The following DRD4 variants were observed in gnomAD, a reference collection of about 807,000 sequenced individuals.
DRD4 encodes the protein D(4) dopamine receptor.
In DRD4, 26 loss-of-function variants were observed where a neutral mutation model predicts 22.1. The observed-to-expected ratio is 1.17, with a 90% confidence interval of 0.86 to 1.63. The LOEUF is 1.63. Ranked by LOEUF, DRD4 falls within the 40% of genes most tolerant of loss-of-function variation. The pLI is 0.00. For missense variants in DRD4, 913 were observed against 632.4 expected (o/e 1.44, Z -4.76); for synonymous variants, 455 against 306.7 (o/e 1.48, Z -5.05).
Position 637,533 on chromosome 11 carries a change from G to C in DRD4, c.229G>C (p.Ala77Pro). ...CACCAACTCCTTCATCGTGAGCCTG[G>C]CGGCCGCCGACCTCCTCCTCGCTCT... ...TPTNSFIVSL[A>P]AADLLLALLV... is the part of the protein sequence containing the mutation. Residue 77 changes from alanine (A) to proline (P), a missense_variant, in exon 1 of 4, where the codon GCG (alanine) becomes CCG (proline). Ala to Pro is a conservative substitution (Grantham distance 27, BLOSUM62 -1). Transcript: ENST00000176183. 1 of 1,564,126 alleles carries C rather than the reference G, an allele frequency of 6.4e-7. No homozygotes were observed. The highest frequency in any genetic ancestry group is 1.2e-5 in the South Asian group (1 of 85,532).
chr11:639,187 C>G, intron 1 of DRD4: 1 of 520,946 alleles, frequency 1.9e-6, no homozygotes, highest in Non-Finnish European at 3.5e-6. Flanking sequence ...CTCAGGAATT[C>G]CAGGCTACAG....
Position 639,369 on chromosome 11 carries a change from G to A in DRD4, c.286-64G>A, listed in dbSNP as rs1267319339. The A allele has an allele frequency of 5.1e-6, 7 of 1,372,202 alleles. No homozygotes were observed. In the African/African-American group the frequency reaches 6.8e-5, roughly 13 times the overall value. 85.0% of individuals were successfully genotyped at this position (1,372,202 alleles called of 1,614,324 possible). On this transcript the variant is annotated intron_variant, in intron 1 of 3. Transcript: ENST00000176183. ...CAGCCCTGGAACTACCCATAAGAGT[G>A]GGGGCGGGTCACAAGGGCCCGCGGT...
At chr11:638,003 A>T (rs869215117) in intron 1 of DRD4, among the ~76,000 whole-genome samples, 1 of 133,836 alleles carries the variant, frequency 7.5e-6, no homozygotes, top group Non-Finnish European at 1.6e-5. Flanking sequence ...ACACACACAC[A>T]CTGCCACAGC....
At chr11:638,199 C>T (rs1858111456) in intron 1 of DRD4, among the ~76,000 whole-genome samples, 2 of 152,196 alleles carry the variant, frequency 1.3e-5, no homozygotes, top group Admixed American at 6.5e-5. Flanking sequence ...ACACTCCACA[C>T]CAGGTCTGGC....
chr11:637,546 T>C lies in DRD4; in HGVS notation c.242T>C (p.Leu81Pro), dbSNP rs759566156. Reference sequence around the variant, plus strand: ...ATCGTGAGCCTGGCGGCCGCCGACCTCCTCCTCGCTCTCCTGGTGCTGCCG... The same window carrying C: ...ATCGTGAGCCTGGCGGCCGCCGACCCCCTCCTCGCTCTCCTGGTGCTGCCG... ...SFIVSLAAAD[L>P]LLALLVLPLF... Residue 81 changes from leucine to proline, a missense_variant, in exon 1 of 4, where the codon CTC becomes CCC. Coordinates refer to ENST00000176183, the MANE Select transcript of DRD4 (RefSeq NM_000797.4). 27 of 1,523,106 alleles carry C rather than the reference T, an allele frequency of 1.8e-5. No individual in the cohort carries two copies. The highest frequency in any genetic ancestry group is 9.4e-5 in the South Asian group (8 of 85,296). 94.3% of individuals were successfully genotyped at this position (1,523,106 alleles called of 1,614,324 possible).
Position 639,591 on chromosome 11 carries a change from CCG to C in DRD4, c.398+48_398+49del, listed in dbSNP as rs1564913189. The stretch of plus-strand genomic sequence containing the variant: ...GCGCCCCGGCGCCCCCGCGCCCCGC[CCG>C]CCGCCCTCACCGCGGCCTGTGCGCT... On this transcript the variant is annotated intron_variant, in intron 2 of 3. Transcript: ENST00000176183. 1.2e-5 allele frequency: 16 copies of C among 1,300,190 alleles called. No homozygotes were observed. In the African/African-American group the frequency reaches 1.4e-4, roughly 12 times the overall value. 80.5% of individuals were successfully genotyped at this position (1,300,190 alleles called of 1,614,324 possible).
At chr11:638,369 G>A (rs1163943769) in intron 1 of DRD4, among the ~76,000 whole-genome samples, 2 of 152,170 alleles carry the variant, frequency 1.3e-5, no homozygotes, top group Non-Finnish European at 2.9e-5. Flanking sequence ...GAGACCAGCA[G>A]CACGGGACAC....
rs374919322 is a variant in DRD4, at chr11:639,299, G to A, written c.286-134G>A. 905 of 804,952 alleles carry A rather than the reference G, an allele frequency of 1.1e-3. 7 individuals carry two copies. In the South Asian group the frequency reaches 0.013, roughly 11 times the overall value. 49.9% of individuals were successfully genotyped at this position (804,952 alleles called of 1,614,324 possible). ...GTGGGGAAGGGGTGTTTCCCTGCCC[G>A]GTCCTCTGGCCTCTGGCTCACAGCC... On this transcript the variant is annotated intron_variant, in intron 1 of 3. Transcript: ENST00000176183.
Position 640,702 on chromosome 11 carries a change from C to T in DRD4, c.*99C>T, listed in dbSNP as rs1444121895. On this transcript the variant is annotated 3_prime_UTR_variant, in exon 4 of 4. Coordinates refer to ENST00000176183, the MANE Select transcript of DRD4 (RefSeq NM_000797.4). ...GTACGTTAATTAAACAAATTCCTTCCCAAACTCAGCTGTGAAGGCTCCTGG... is the reference window on the plus strand; with the variant it reads ...GTACGTTAATTAAACAAATTCCTTCTCAAACTCAGCTGTGAAGGCTCCTGG... The T allele has an allele frequency of 3.5e-6, 5 of 1,418,074 alleles. No homozygotes were observed. Among genetic ancestry groups the T allele is most frequent in the Admixed American group, 3.8e-5 (2 of 52,034 alleles). The allele number at this position is 1,418,074 out of a possible 1,614,324, so 87.8% of individuals were successfully genotyped here. A position where few individuals can be genotyped will look rare whatever the true frequency, so the allele number is the denominator to read the frequency against.
Position 639,911 on chromosome 11 carries a change from G to C in DRD4, c.662G>C (p.Arg221Pro), listed in dbSNP as rs138691183. Reference protein sequence around the residue: ...LYWATFRGLQRWEVARRAKLH... With the variant: ...LYWATFRGLQPWEVARRAKLH... ...TGGGCCACGTTCCGCGGCCTGCAGCGCTGGGAGGTGGCACGTCGCGCCAAG... is the reference window on the plus strand; with the variant it reads ...TGGGCCACGTTCCGCGGCCTGCAGCCCTGGGAGGTGGCACGTCGCGCCAAG... Residue 221 changes from arginine (R) to proline (P), a missense_variant, in exon 3 of 4, where the codon CGC becomes CCC. Arg to Pro is a moderately radical substitution (Grantham distance 103, BLOSUM62 -2). Coordinates refer to ENST00000176183, the MANE Select transcript of DRD4 (RefSeq NM_000797.4). 13 of 1,556,494 alleles carry C rather than the reference G, an allele frequency of 8.4e-6. No individual in the cohort carries two copies. Among genetic ancestry groups the C allele is most frequent in the Non-Finnish European group, 1.1e-5 (13 of 1,159,880 alleles).
Position 639,799 on chromosome 11 carries a change from G to A in DRD4, c.550G>A (p.Val184Met), listed in dbSNP as rs1314723428. ...LNDVRGRDPA[V>M]CRLEDRDYVV... ...CGACGTGCGCGGCCGCGACCCCGCC[G>A]TGTGCCGCCTGGAGGACCGCGACTA... is the stretch of plus-strand genomic sequence containing the variant. The change falls in exon 3 of 4, where the codon GTG (valine) becomes ATG (methionine). Residue 184 changes from valine (V) to methionine (M), a missense_variant. Val to Met is a conservative substitution (Grantham distance 21). Coordinates refer to ENST00000176183, the MANE Select transcript of DRD4 (RefSeq NM_000797.4). 2 of 1,581,130 alleles carry A rather than the reference G, an allele frequency of 1.3e-6. No individual in the cohort carries two copies. The highest frequency in any genetic ancestry group is 1.1e-5 in the South Asian group (1 of 89,250).
chr11:638,546 T>A (rs1297243103), intron 1 of DRD4, among the ~76,000 whole-genome samples: 11 of 152,214 alleles, frequency 7.2e-5, no homozygotes, highest in African/African-American at 2.7e-4. Flanking sequence ...GGTCTTCATA[T>A]TTTTAATTAT....
intron 1 of DRD4, 149 bp downstream of exon 1, chr11:637,738 C>T: frequency 2.1e-6 from 3 of 1,402,640 alleles, no homozygotes; most frequent in Non-Finnish European, 2.9e-6. Context: ...TGTCCCTCGG[C>T]GATACACCCA....
rs1313417394 is a variant in DRD4, at chr11:640,597, C to T, written c.1254C>T (p.Cys418=). 2 of 1,599,428 alleles carry T rather than the reference C, an allele frequency of 1.3e-6. No individual in the cohort carries two copies. The highest frequency in any genetic ancestry group is 3.3e-5 in the Admixed American group (2 of 60,016). Residue 418 remains cysteine (C), a synonymous_variant, in exon 4 of 4, where the codon TGC becomes TGT. Coordinates refer to ENST00000176183, the MANE Select transcript of DRD4 (RefSeq NM_000797.4). The part of the protein sequence containing the change: ...RNVFRKALRA[C]C Reference sequence around the variant, plus strand: ...TCTTCCGCAAGGCCCTGCGTGCCTGCTGCTGAGCCGGGCACCCCCGGACGC... The same window carrying T: ...TCTTCCGCAAGGCCCTGCGTGCCTGTTGCTGAGCCGGGCACCCCCGGACGC...
chr11:637,716 GGC>G (rs1197661042), intron 1 of DRD4, 127 bp downstream of exon 1: 25 of 1,497,986 alleles, frequency 1.7e-5, no homozygotes, highest in Non-Finnish European at 2.2e-5. Flanking sequence ...CGGCGGCAGG[GGC>G]GCTGCGCCTT....
Position 637,484 on chromosome 11 carries a change from C to T in DRD4, c.180C>T (p.Ala60=), listed in dbSNP as rs1451600046. ...AGNSLVCVSV[A]TERALQTPTN... Reference sequence around the variant, plus strand: ...ACTCGCTCGTGTGCGTGAGCGTGGCCACCGAGCGCGCCCTGCAGACGCCCA... The same window carrying T: ...ACTCGCTCGTGTGCGTGAGCGTGGCTACCGAGCGCGCCCTGCAGACGCCCA... Residue 60 remains alanine (A), a synonymous_variant, in exon 1 of 4, where the codon GCC becomes GCT. Coordinates refer to ENST00000176183, the MANE Select transcript of DRD4 (RefSeq NM_000797.4). 1.2e-5 allele frequency: 19 copies of T among 1,544,170 alleles called. No individual in the cohort carries two copies. Among genetic ancestry groups the T allele is most frequent in the South Asian group, 3.6e-5 (3 of 84,376 alleles).
In DRD4 at chr11:640,189, GAC is replaced by G; in HGVS notation, c.941_942del (p.Asp314GlyfsTer135). The G allele has an allele frequency of 1.3e-6, 2 of 1,530,666 alleles. No homozygotes were observed. Among genetic ancestry groups the G allele is most frequent in the Non-Finnish European group, 1.7e-6 (2 of 1,145,218 alleles). The allele number at this position is 1,530,666 out of a possible 1,614,324, so 94.8% of individuals were successfully genotyped here. A position where few individuals can be genotyped will look rare whatever the true frequency, so the allele number is the denominator to read the frequency against. The part of the protein sequence containing the change: ...DPCGSNCAPP[D>X]AVRAAALPPQ... ...CTGCGGCTCCAACTGTGCTCCCCCC[GAC>G]GCCGTCAGAGCCGCCGCGCTCCCAC... On this transcript the variant is annotated frameshift_variant, in exon 3 of 4. Transcript: ENST00000176183. LOFTEE classifies it high-confidence loss of function.
Position 640,596 on chromosome 11 carries a change from GCT to G in DRD4, c.1254_1255del (p.Cys418TrpfsTer31), listed in dbSNP as rs764668307. ...GTCTTCCGCAAGGCCCTGCGTGCCTGCTGCTGAGCCGGGCACCCCCGGACGCC... is the reference window on the plus strand; with the variant it reads ...GTCTTCCGCAAGGCCCTGCGTGCCTGGCTGAGCCGGGCACCCCCGGACGCC... On this transcript the variant is annotated frameshift_variant, in exon 4 of 4. Transcript: ENST00000176183. LOFTEE classifies it high-confidence loss of function. 1 of 1,599,414 alleles carries G rather than the reference GCT, an allele frequency of 6.3e-7. No individual in the cohort carries two copies. Among genetic ancestry groups the G allele is most frequent in the Non-Finnish European group, 8.5e-7 (1 of 1,179,816 alleles).
chr11:638,887 G>A (rs2133249742), intron 1 of DRD4, among the ~76,000 whole-genome samples: 1 of 152,328 alleles, frequency 6.6e-6, no homozygotes, highest in Admixed American at 6.5e-5. Context: ...TTTGAGACCA[G>A]CCTGGGAAAC....
Sources: allele counts gnomAD v4.1 joint callset (sites outside exome capture counted in the v4.1 genomes callset), GRCh38; gene constraint gnomAD v4.1.1; transcripts MANE v1.5; gene names NCBI Gene and HGNC (gene_info 2026-07-23, HGNC 2026-07-21).